The following ZFHX3 variants were observed in gnomAD, a reference collection of about 807,000 sequenced individuals.
The protein encoded by ZFHX3 is zinc finger homeobox 3.
In ZFHX3, 42 loss-of-function variants were observed where a neutral mutation model predicts 279.1. The ratio of observed to expected loss-of-function variants is 0.15; its 90% CI spans 0.12 to 0.19. ZFHX3 has a LOEUF of 0.19. Ranked by LOEUF, ZFHX3 falls within the 10% of genes least tolerant of loss-of-function variation. The pLI is 1.00. For missense variants in ZFHX3, 4,981 were observed against 4,754.0 expected, an observed-to-expected ratio of 1.05 and a Z score of -1.40; for synonymous variants, 2,293 against 1,957.8, an observed-to-expected ratio of 1.17 and a Z score of -4.52.
Position 72,958,660 on chromosome 16 carries a change from G to C in ZFHX3, c.1486C>G (p.Pro496Ala). The C allele has an allele frequency of 1.2e-6, 2 of 1,613,806 alleles. No homozygotes were observed. ...EEDEGCKGLF[P>A]SELDEELEDR... is the part of the protein sequence containing the mutation. ...TCCAGTTCCTCATCCAACTCGCTTG[G>C]AAAGAGTCCTTTGCAACCCTCGTCT... Residue 496 changes from proline (P) to alanine (A), a missense_variant, in exon 2 of 10, where the codon CCA (proline) becomes GCA (alanine). By Grantham distance (27) the Pro-to-Ala change is conservative. Around this residue, in one of 7 missense-constraint regions of ZFHX3, gnomAD observed 1,068 missense variants for 935.2 expected, o/e 1.14. Transcript: ENST00000268489.
In ZFHX3 at chr16:72,958,833, G is replaced by A. The variant is rs200794923; in HGVS notation, c.1313C>T (p.Ala438Val). The A allele has an allele frequency of 7.3e-4, 1,174 of 1,613,912 alleles. 19 individuals are homozygous for A. The South Asian group carries it at 0.012, about 16-fold the overall frequency. The change falls in exon 2 of 10, where the codon GCG becomes GTG. Residue 438 changes from alanine to valine, a missense_variant. Physicochemically the swap from Ala to Val is moderately conservative, Grantham distance 64. Transcript: ENST00000268489. ...TKSSEGKDSG[A>V]AEGEKQEVGD... is the part of the protein sequence containing the mutation. ...CACTTCCTGCTTCTCTCCTTCTGCCGCCCCAGAGTCCTTGCCCTCTGAGGA... is the reference window on the plus strand; with the variant it reads ...CACTTCCTGCTTCTCTCCTTCTGCCACCCCAGAGTCCTTGCCCTCTGAGGA...
intron 4 of ZFHX3, among the ~76,000 whole-genome samples, chr16:72,879,313 A>G (rs2038399460): frequency 6.6e-6 from 1 of 152,204 alleles, no homozygotes; most frequent in Non-Finnish European, 1.5e-5. Flanking sequence ...GGTCATAGAA[A>G]ATTGTAAGGC....
rs115106483 is a variant in ZFHX3, at chr16:73,030,403, C to T, written c.-50+17349G>A. ...CCCAGTTCCATGGAAGGAGAGCAGACCACAAAAAGGTTAGAAGGCTCAAGT... is the reference window on the plus strand; with the variant it reads ...CCCAGTTCCATGGAAGGAGAGCAGATCACAAAAAGGTTAGAAGGCTCAAGT... On this transcript the variant is annotated intron_variant, in intron 1 of 9. Coordinates refer to ENST00000268489, the MANE Select transcript of ZFHX3 (RefSeq NM_006885.4). 7.7e-3 allele frequency among the ~76,000 whole-genome samples: 1,176 copies of T among 152,316 alleles called. 15 individuals carry two copies. Among genetic ancestry groups the T allele is most frequent in the African/African-American group, 0.027 (1,117 of 41,556 alleles).
intron 3 of ZFHX3, among the ~76,000 whole-genome samples, chr16:73,342,160 T>A (rs1042904403): frequency 6.6e-6 from 1 of 152,224 alleles, no homozygotes; most frequent in East Asian, 1.9e-4. Flanking sequence ...GAAAGCTTGA[T>A]ACATTCTGCT....
At chr16:72,954,167 C>A (rs1008857315) in intron 2 of ZFHX3, among the ~76,000 whole-genome samples, 2 of 152,134 alleles carry the variant, frequency 1.3e-5, no homozygotes, top group African/African-American at 4.8e-5. Context: ...GTCAGGAGTT[C>A]AAGACCAGCC....
intron 4 of ZFHX3, among the ~76,000 whole-genome samples, chr16:73,296,728 G>A (rs757914371): frequency 2.0e-5 from 3 of 152,000 alleles, no homozygotes; most frequent in Non-Finnish European, 4.4e-5. Context: ...ATTTGTCTAA[G>A]ACAAATACTA....
At chr16:73,004,806 C>G (rs754450430) in intron 1 of ZFHX3, among the ~76,000 whole-genome samples, 8 of 152,122 alleles carry the variant, frequency 5.3e-5, no homozygotes, top group Non-Finnish European at 1.0e-4. Context: ...AGGCTTAGGC[C>G]TAATATTCCT....
chr16:73,451,663 C>CT (rs1279812846), intron 3 of ZFHX3, among the ~76,000 whole-genome samples: 1 of 152,158 alleles, frequency 6.6e-6, no homozygotes, highest in Non-Finnish European at 1.5e-5. Context: ...TTGGTTATTA[C>CT]TACTCTCTGA....
intron 5 of ZFHX3, among the ~76,000 whole-genome samples, chr16:73,211,795 G>A (rs1359217036): frequency 6.6e-6 from 1 of 151,984 alleles, no homozygotes; most frequent in East Asian, 1.9e-4. Context: ...TCCTGCAGTG[G>A]TTGAGTGGTG....
intron 4 of ZFHX3, among the ~76,000 whole-genome samples, chr16:72,845,456 C>T (rs1272478585): frequency 6.6e-6 from 1 of 152,158 alleles, no homozygotes; most frequent in East Asian, 1.9e-4. Flanking sequence ...GGCACCTGCC[C>T]GCTGGGCTGG....
At chr16:73,298,500 GT>G (rs113148342) in intron 4 of ZFHX3, among the ~76,000 whole-genome samples, 20,713 of 133,832 alleles carry the variant, frequency 0.15, 2,099 homozygotes, top group African/African-American at 0.32. Flanking sequence ...TGTTGTCGTC[GT>G]TTTTTTTTTT....
At chr16:73,393,826 T>C (rs987759060) in intron 3 of ZFHX3, among the ~76,000 whole-genome samples, 3 of 151,248 alleles carry the variant, frequency 2.0e-5, no homozygotes, top group African/African-American at 7.3e-5. Context: ...ATTAATTCTT[T>C]AGTGGTTTTC....
intron 4 of ZFHX3, among the ~76,000 whole-genome samples, chr16:73,285,610 T>G (rs1191168804): frequency 6.6e-6 from 1 of 152,208 alleles, no homozygotes; most frequent in South Asian, 2.1e-4. Context: ...GTAAAGACCA[T>G]GAAATGCATA....
intron 3 of ZFHX3, among the ~76,000 whole-genome samples, chr16:73,444,776 A>G (rs563172518): frequency 6.6e-6 from 1 of 152,254 alleles, no homozygotes; most frequent in South Asian, 2.1e-4. Flanking sequence ...ATGCAACACC[A>G]TGCATGTTTA....
At chr16:73,606,301 A>C (rs1458776079) in intron 2 of ZFHX3, among the ~76,000 whole-genome samples, 1 of 150,380 alleles carries the variant, frequency 6.6e-6, no homozygotes, top group African/African-American at 2.5e-5. Context: ...TGAGGTCAGG[A>C]GTCCGAGACC....
intron 2 of ZFHX3, among the ~76,000 whole-genome samples, chr16:73,516,646 C>T (rs987735673): frequency 5.9e-5 from 9 of 152,206 alleles, no homozygotes; most frequent in Non-Finnish European, 1.2e-4. Flanking sequence ...ATACCCCAAA[C>T]CAAAATCATC....
At chr16:73,529,843 C>T (rs1377702547) in intron 2 of ZFHX3, among the ~76,000 whole-genome samples, 1 of 152,092 alleles carries the variant, frequency 6.6e-6, no homozygotes, top group Non-Finnish European at 1.5e-5. Context: ...GGATCATAGG[C>T]TGTGTGATGA....
chr16:72,841,535 CCT>C (rs1186238777), intron 4 of ZFHX3, among the ~76,000 whole-genome samples: 1 of 152,132 alleles, frequency 6.6e-6, no homozygotes, highest in African/African-American at 2.4e-5. Flanking sequence ...GGATCCAAAG[CCT>C]CTGTTTTTTT....
At chr16:72,974,491 G>A (rs1036074906) in intron 1 of ZFHX3, among the ~76,000 whole-genome samples, 1 of 152,080 alleles carries the variant, frequency 6.6e-6, no homozygotes, top group Admixed American at 6.5e-5. Context: ...TCGGCAGCTT[G>A]CTCTGGCACG....
Sources: gnomAD v4.1 joint callset for allele counts (sites outside exome capture counted in the v4.1 genomes callset) on GRCh38, gnomAD v4.1.1 for gene constraint, gnomAD v4.1.1 regional missense constraint, MANE v1.5 for transcripts, NCBI Gene and HGNC (gene_info 2026-07-23, HGNC 2026-07-21) for gene names.